The following IQSEC1 variants were observed in gnomAD, a reference collection of about 807,000 sequenced individuals.
IQSEC1 encodes the protein IQ motif and Sec7 domain ArfGEF 1, also known as IQ motif and SEC7 domain-containing protein 1.
IQSEC1 carries 31 observed loss-of-function variants against 91.0 expected under a neutral mutation model. The ratio of observed to expected loss-of-function variants is 0.34; its 90% CI spans 0.26 to 0.46. The LOEUF is 0.46. Among genes scored for constraint, IQSEC1 ranks in the 20% least tolerant of loss-of-function variants. The pLI, the probability that IQSEC1 is intolerant of heterozygous loss-of-function variation, is 1.00. For missense variants in IQSEC1, 1,388 were observed against 1,575.6 expected (o/e 0.88, Z 2.02); for synonymous variants, 699 against 662.6 (o/e 1.05, Z -0.84).
chr3:13,205,400 T>C (rs1199714839), intron 1 of IQSEC1, among the ~76,000 whole-genome samples: 1 of 152,088 alleles, frequency 6.6e-6, no homozygotes, highest in Admixed American at 6.6e-5. Flanking sequence ...AGGAAACAGC[T>C]GCCACAAATC....
intron 1 of IQSEC1, among the ~76,000 whole-genome samples, chr3:13,176,339 G>A (rs564919676): frequency 1.3e-5 from 2 of 152,282 alleles, no homozygotes; most frequent in African/African-American, 4.8e-5. Context: ...CGGTTCGGGG[G>A]TCTTTAGTAA....
chr3:12,899,436 T>C lies in IQSEC1; in HGVS notation c.*1547A>G. On this transcript the variant is annotated 3_prime_UTR_variant, in exon 14 of 14. Coordinates refer to ENST00000613206, the MANE Select transcript of IQSEC1 (RefSeq NM_001134382.3). Reference sequence around the variant, plus strand: ...CTGCAGTGGCTCGAAAGGCTGAAACTACAAAGTATGGCCCGTGGGTGACTC... The same window carrying C: ...CTGCAGTGGCTCGAAAGGCTGAAACCACAAAGTATGGCCCGTGGGTGACTC... 6.2e-7 allele frequency: 1 copy of C among 1,610,234 alleles called. No homozygotes were observed.
chr3:13,046,985 C>T (rs1559739866), intron 1 of IQSEC1, among the ~76,000 whole-genome samples: 1 of 152,234 alleles, frequency 6.6e-6, no homozygotes, highest in Non-Finnish European at 1.5e-5. Flanking sequence ...ACAGAAAATG[C>T]TCTTTTTGGA....
chr3:13,221,598 A>T (rs1694661934), intron 1 of IQSEC1, among the ~76,000 whole-genome samples: 1 of 152,098 alleles, frequency 6.6e-6, no homozygotes, highest in Non-Finnish European at 1.5e-5. Context: ...GGGCCTAACA[A>T]GCTCAGACAC....
chr3:13,268,872 C>T (rs781262718), intron 1 of IQSEC1, among the ~76,000 whole-genome samples: 51 of 152,264 alleles, frequency 3.3e-4, no homozygotes, highest in African/African-American at 1.2e-3. Context: ...AGATGCAAGC[C>T]CCCAGGCCCC....
At position 12,901,038 on chromosome 3, in the gene IQSEC1, G is replaced by A. The variant is rs765005906; in HGVS notation, c.3290C>T (p.Pro1097Leu). Residue 1097 changes from proline to leucine, a missense_variant, in exon 14 of 14, where the codon CCG becomes CTG. Coordinates refer to ENST00000613206, the MANE Select transcript of IQSEC1 (RefSeq NM_001134382.3). Reference sequence around the variant, plus strand: ...GGCCTTGCTGCTGGTGGGGGGCGGCGGGGCAGGGGGCTGCCCATGGTGGTG... The same window carrying A: ...GGCCTTGCTGCTGGTGGGGGGCGGCAGGGCAGGGGGCTGCCCATGGTGGTG... Reference protein sequence around the residue: ...TVHHHGQPPAPPPPTSSKAKP... With the variant: ...TVHHHGQPPALPPPTSSKAKP... 1.4e-5 allele frequency: 22 copies of A among 1,542,704 alleles called. No individual in the cohort carries two copies. The highest frequency in any genetic ancestry group is 4.9e-5 in the East Asian group (2 of 40,900).
At position 13,175,292 on chromosome 3, in the gene IQSEC1, T is replaced by C. The variant is rs370044505; in HGVS notation, c.273-11159A>G. Among the ~76,000 whole-genome samples the C allele has an allele frequency of 5.9e-5, 9 of 152,254 alleles. No individual in the cohort carries two copies. In the East Asian group the frequency reaches 1.2e-3, roughly 20 times the overall value. On this transcript the variant is annotated intron_variant, in intron 1 of 15. Coordinates refer to the IQSEC1 transcript ENST00000648114. ...TAAAATGCACCTCCACTCTAGGTGG[T>C]TATGGAGATTAAGGGACTATACCTG...
chr3:13,022,610 C>T (rs1405346730), intron 1 of IQSEC1: 2 of 225,802 alleles, frequency 8.9e-6, no homozygotes, highest in Non-Finnish European at 1.5e-5. Flanking sequence ...GGCGGGGAGG[C>T]GAGGGCGGGC....
chr3:12,964,355 C>T (rs1700429667), intron 1 of IQSEC1, among the ~76,000 whole-genome samples: 1 of 152,030 alleles, frequency 6.6e-6, no homozygotes, highest in African/African-American at 2.4e-5. Flanking sequence ...CTCCCAAGGC[C>T]TCCGGTGGTG....
intron 2 of IQSEC1, among the ~76,000 whole-genome samples, chr3:13,108,308 C>T (rs114415916): frequency 2.0e-5 from 3 of 152,134 alleles, no homozygotes; most frequent in Admixed American, 6.5e-5. Flanking sequence ...TTATTGCTAA[C>T]ATTTTGTGAT....
At chr3:13,261,983 G>A (rs993476278) in intron 1 of IQSEC1, among the ~76,000 whole-genome samples, 1 of 152,224 alleles carries the variant, frequency 6.6e-6, no homozygotes, top group Non-Finnish European at 1.5e-5. Flanking sequence ...TGGGAAAATA[G>A]GCAGCTCCTG....
intron 2 of IQSEC1, among the ~76,000 whole-genome samples, chr3:13,158,007 T>C (rs1025040970): frequency 5.9e-5 from 9 of 152,244 alleles, no homozygotes; most frequent in African/African-American, 1.9e-4. Context: ...GTGTGAAATC[T>C]GAGGCTTGGA....
At chr3:13,050,600 G>C (rs1320356394) in intron 1 of IQSEC1, among the ~76,000 whole-genome samples, 1 of 152,222 alleles carries the variant, frequency 6.6e-6, no homozygotes, top group Admixed American at 6.5e-5. Context: ...AGAGCCAAGA[G>C]GGCCAGGGTT....
At chr3:13,244,737 G>A (rs1695079849) in intron 1 of IQSEC1, among the ~76,000 whole-genome samples, 1 of 152,138 alleles carries the variant, frequency 6.6e-6, no homozygotes, top group African/African-American at 2.4e-5. Context: ...GTCAAGGAGT[G>A]GGCAGAAGAC....
chr3:13,218,179 G>A (rs1694586018), intron 1 of IQSEC1, among the ~76,000 whole-genome samples: 1 of 152,218 alleles, frequency 6.6e-6, no homozygotes, highest in African/African-American at 2.4e-5. Flanking sequence ...CACCTCCTGT[G>A]TGCTGACTTC....
chr3:12,941,876 G>A lies in IQSEC1; in HGVS notation c.24-11C>T, dbSNP rs752920223. On this transcript the variant is annotated splice_polypyrimidine_tract_variant and intron_variant, in intron 1 of 13. Coordinates refer to ENST00000613206, the MANE Select transcript of IQSEC1 (RefSeq NM_001134382.3). ...GCCTCGCCCTCGACGCTGCAGAGGA[G>A]AGAGAGGTGAGAAGCTTCTGGTAAG... 6.4e-7 allele frequency: 1 copy of A among 1,569,752 alleles called. No homozygotes were observed. The highest frequency in any genetic ancestry group is 8.6e-7 in the Non-Finnish European group (1 of 1,156,232).
At chr3:13,216,286 C>T (rs1340984443) in intron 1 of IQSEC1, among the ~76,000 whole-genome samples, 2 of 152,376 alleles carry the variant, frequency 1.3e-5, no homozygotes, top group East Asian at 1.9e-4. Flanking sequence ...AACAGCATTT[C>T]CCAACCAGCA....
chr3:13,177,838 G>A lies in IQSEC1; in HGVS notation c.273-13705C>T, dbSNP rs1049662188. The stretch of plus-strand genomic sequence containing the variant: ...AGCCAGCCACTGGACCTCTCAGCCT[G>A]GGAAGGCAGGGGCCTGCAGGGGCTA... On this transcript the variant is annotated intron_variant, in intron 1 of 15. Transcript: ENST00000648114. Among the ~76,000 whole-genome samples the A allele has an allele frequency of 5.3e-5, 8 of 152,180 alleles. No homozygotes were observed. In the East Asian group the frequency reaches 1.2e-3, roughly 22 times the overall value.
chr3:13,141,837 A>G (rs1402117964), intron 2 of IQSEC1, among the ~76,000 whole-genome samples: 2 of 152,200 alleles, frequency 1.3e-5, no homozygotes, highest in Non-Finnish European at 2.9e-5. Flanking sequence ...GGCTCCATGG[A>G]ACCGTCACTT....
Sources: allele counts gnomAD v4.1 joint callset (sites outside exome capture counted in the v4.1 genomes callset), GRCh38; gene constraint gnomAD v4.1.1; transcripts MANE v1.5; gene names NCBI Gene and HGNC (gene_info 2026-07-23, HGNC 2026-07-21).